The following THBS4 variants were observed in gnomAD, a reference collection of about 807,000 sequenced individuals.
THBS4 encodes thrombospondin 4, also known as thrombospondin-4.
THBS4 carries 90 observed loss-of-function variants against 115.7 expected under a neutral mutation model. The observed-to-expected ratio is 0.78, with a 90% CI of 0.66 to 0.93. THBS4 has a LOEUF of 0.93. Ranked by LOEUF, THBS4 falls within the 40% of genes least tolerant of loss-of-function variation. The pLI, the probability that THBS4 is intolerant of heterozygous loss-of-function variation, is 0.00. For synonymous variants in THBS4, 460 were observed against 479.3 expected, an observed-to-expected ratio of 0.96 and a Z score of 0.53; for missense variants, 1,087 against 1,232.7, an observed-to-expected ratio of 0.88 and a Z score of 1.77.
At chr5:80,025,723 C>A (rs2434274) in intron 2 of THBS4, among the ~76,000 whole-genome samples, 6 of 151,896 alleles carry the variant, frequency 4.0e-5, no homozygotes, top group Non-Finnish European at 5.9e-5. Context: ...CTTGAGGGAC[C>A]CTTTGTCGCC....
chr5:80,055,531 ATATTGTCTG>A (rs1257400106), intron 2 of THBS4, among the ~76,000 whole-genome samples: 2 of 152,118 alleles, frequency 1.3e-5, no homozygotes, highest in African/African-American at 4.8e-5. Flanking sequence ...AATTTGCCAC[ATATTGTCTG>A]TTTCTCCATC....
chr5:79,994,346 C>G (rs576686915), intron 1 of THBS4, among the ~76,000 whole-genome samples: 1 of 152,312 alleles, frequency 6.6e-6, no homozygotes, highest in African/African-American at 2.4e-5. Flanking sequence ...CTCTTAACCA[C>G]TGTGTCATAC....
chr5:80,051,782 A>G (rs540229223), intron 2 of THBS4, among the ~76,000 whole-genome samples: 1 of 152,356 alleles, frequency 6.6e-6, no homozygotes, highest in Non-Finnish European at 1.5e-5. Context: ...GCTATATGTA[A>G]AGTATCCCAC....
At chr5:80,062,926 G>T (rs918262286) in intron 8 of THBS4, among the ~76,000 whole-genome samples, 4 of 152,154 alleles carry the variant, frequency 2.6e-5, no homozygotes, top group Non-Finnish European at 5.9e-5. Flanking sequence ...TCTTAATCCA[G>T]TCTATCATTG....
At chr5:80,040,715 C>T (rs1326581915) in intron 2 of THBS4, among the ~76,000 whole-genome samples, 1 of 152,166 alleles carries the variant, frequency 6.6e-6, no homozygotes, top group Non-Finnish European at 1.5e-5. Context: ...CATCTCAGTC[C>T]ATTTTGTGTT....
At chr5:80,070,269 C>T (rs1833985812) in intron 10 of THBS4, 37 bp from the exon 11 acceptor site, 1 of 1,520,108 alleles carries the variant, frequency 6.6e-7, no homozygotes, top group Non-Finnish European at 8.8e-7. Context: ...CTGCCAGGCT[C>T]AGCTTCCCAG....
chr5:79,999,823 C>G (rs1037149181), intron 2 of THBS4, among the ~76,000 whole-genome samples: 1 of 152,178 alleles, frequency 6.6e-6, no homozygotes, highest in African/African-American at 2.4e-5. Context: ...GGAAATTCCT[C>G]TTGAAATGTC....
Position 80,059,785 on chromosome 5 carries a change from G to T in THBS4, c.867G>T (p.Arg289=). Residue 289 remains arginine (R), a synonymous_variant, in exon 7 of 22, where the codon CGG becomes CGT. Coordinates refer to ENST00000350881, the MANE Select transcript of THBS4 (RefSeq NM_003248.6). ...CACCGCCAACACGCCCACCTCGTCG[G>T]TGTGACTCCAACCCATGTTTCCGAG... ...PPAPPTRPPR[R]CDSNPCFRGV... 6.2e-7 allele frequency: 1 copy of T among 1,614,174 alleles called. No individual in the cohort carries two copies. The highest frequency in any genetic ancestry group is 8.5e-7 in the Non-Finnish European group (1 of 1,180,026).
At chr5:80,009,392 C>A (rs914486087) in intron 2 of THBS4, among the ~76,000 whole-genome samples, 25 of 152,302 alleles carry the variant, frequency 1.6e-4, no homozygotes, top group African/African-American at 5.5e-4. Context: ...GTTGTTCCTT[C>A]TATTTTACCC....
rs200042095 is a variant in THBS4 at position 80,080,030 on chromosome 5, G to A, written c.2637G>A (p.Val879=). The A allele has an allele frequency of 1.9e-6, 3 of 1,614,154 alleles. No homozygotes were observed. Among genetic ancestry groups the A allele is most frequent in the East Asian group, 4.5e-5 (2 of 44,872 alleles). The change falls in exon 20 of 22, where the codon GTG becomes GTA. Residue 879 remains valine (V), a synonymous_variant. Transcript: ENST00000350881. ...DSRNVGWKDK[V]SYRWFLQHRP... ...GGAATGTGGGCTGGAAGGACAAGGT[G>A]TCCTACCGCTGGTTCCTACAGCACA... is the stretch of plus-strand genomic sequence containing the variant.
chr5:80,053,134 A>G (rs1393343710), intron 2 of THBS4: 1 of 152,194 alleles, frequency 6.6e-6, no homozygotes, highest in Non-Finnish European at 1.5e-5. Context: ...TCTTCTAGGT[A>G]TGTATGTATA....
Position 80,072,341 on chromosome 5 carries a change from G to T in THBS4, c.1784G>T (p.Gly595Val). 1 of 1,614,192 alleles carries T rather than the reference G, an allele frequency of 6.2e-7. No homozygotes were observed. Among genetic ancestry groups the T allele is most frequent in the Non-Finnish European group, 8.5e-7 (1 of 1,180,026 alleles). The change falls in exon 14 of 22, where the codon GGT (glycine) becomes GTT (valine). Residue 595 changes from glycine to valine, a missense_variant. Around this residue, in one of 3 missense-constraint regions of THBS4, gnomAD observed 979 missense variants for 1,103.7 expected, o/e 0.89. Coordinates refer to ENST00000350881, the MANE Select transcript of THBS4 (RefSeq NM_003248.6). Reference sequence around the variant, plus strand: ...AATCGTGACCAACGGGACAAGGATGGTGATGGTGTGGGGGATGCCTGTGAC... The same window carrying T: ...AATCGTGACCAACGGGACAAGGATGTTGATGGTGTGGGGGATGCCTGTGAC... ...FPNRDQRDKDGDGVGDACDSC... is the reference protein window; with the variant it reads ...FPNRDQRDKDVDGVGDACDSC...
In THBS4 at chr5:80,083,074, T is replaced by C; in HGVS notation, c.2825-6T>C. On this transcript the variant is annotated splice_region_variant and splice_polypyrimidine_tract_variant and intron_variant, in intron 21 of 21. Transcript: ENST00000350881. ...GCTAACCTCCCTGTGCCCATTCCTA[T>C]TGCAGACACCATCCCTGAGGACTTC... 1 of 1,613,722 alleles carries C rather than the reference T, an allele frequency of 6.2e-7. No homozygotes were observed. The highest frequency in any genetic ancestry group is 8.5e-7 in the Non-Finnish European group (1 of 1,179,582).
chr5:80,079,068 C>T lies in THBS4; in HGVS notation c.2321C>T (p.Thr774Ile), dbSNP rs1743360786. Reference protein sequence around the residue: ...NSDPGLAVGYTAFNGVDFEGT... With the variant: ...NSDPGLAVGYIAFNGVDFEGT... ...TCTTATCTGGTCCCTACAGGGTACA[C>T]AGCTTTTAATGGAGTTGACTTCGAA... Residue 774 changes from threonine (T) to isoleucine (I), a missense_variant, in exon 19 of 22, where the codon ACA becomes ATA. Physicochemically the swap from Thr to Ile is moderately conservative, Grantham distance 89 (BLOSUM62 -1). Transcript: ENST00000350881. 1 of 1,613,298 alleles carries T rather than the reference C, an allele frequency of 6.2e-7. No homozygotes were observed. The highest frequency in any genetic ancestry group is 1.3e-5 in the African/African-American group (1 of 74,912).
At position 80,078,142 on chromosome 5, in the gene THBS4, T is replaced by C; in HGVS notation, c.2180T>C (p.Leu727Pro). 6.2e-7 allele frequency: 1 copy of C among 1,612,690 alleles called. No individual in the cohort carries two copies. Among genetic ancestry groups the C allele is most frequent in the African/African-American group, 1.3e-5 (1 of 75,036 alleles). ...TGCCCAGAGAACGCAGAGGTCACCC[T>C]GACCGACTTCAGGGCTTACCAGACC... Reference protein sequence around the residue: ...DVCPENAEVTLTDFRAYQTVV... With the variant: ...DVCPENAEVTPTDFRAYQTVV... The change falls in exon 17 of 22, where the codon CTG (leucine) becomes CCG (proline). Residue 727 changes from leucine (L) to proline (P), a missense_variant. Physicochemically the swap from Leu to Pro is moderately conservative, Grantham distance 98. Coordinates refer to ENST00000350881, the MANE Select transcript of THBS4 (RefSeq NM_003248.6).
rs149821475 is a variant in THBS4 at position 80,061,722 on chromosome 5, G to A, written c.1015G>A (p.Val339Met). 49 of 1,613,898 alleles carry A rather than the reference G, an allele frequency of 3.0e-5. No homozygotes were observed. The highest frequency in any genetic ancestry group is 5.0e-5 in the Admixed American group (3 of 59,988). ...CAAATACCATCCCTGCTACCCGGGC[G>A]TGCACTGCATAAATTTGTCTCCTGG... ...ECKYHPCYPG[V>M]HCINLSPGFR... The change falls in exon 8 of 22, where the codon GTG becomes ATG. Residue 339 changes from valine (V) to methionine (M), a missense_variant. By Grantham distance (21) the Val-to-Met change is conservative. Transcript: ENST00000350881.
At chr5:80,044,184 C>G (rs1202647366) in intron 2 of THBS4, among the ~76,000 whole-genome samples, 2 of 152,196 alleles carry the variant, frequency 1.3e-5, no homozygotes, top group Non-Finnish European at 2.9e-5. Context: ...ACTTGAATTA[C>G]TTCTAGGTCT....
In THBS4 at chr5:80,040,070, T is replaced by C. The variant is rs1241757391; in HGVS notation, c.89-7T>C. On this transcript the variant is annotated splice_polypyrimidine_tract_variant and splice_region_variant and intron_variant, in intron 1 of 21. Transcript: ENST00000350881. ...CACTTATACCCCTTCTTCTCCCTTC[T>C]TCCCAGTCTTTGACCTTCTCCCATC... 12 of 1,613,980 alleles carry C rather than the reference T, an allele frequency of 7.4e-6. No individual in the cohort carries two copies. Among genetic ancestry groups the C allele is most frequent in the Non-Finnish European group, 9.3e-6 (11 of 1,179,890 alleles).
Position 80,035,387 on chromosome 5 carries a change from C to G in THBS4, c.-151C>G, listed in dbSNP as rs1212540225. The G allele has an allele frequency of 3.3e-6, 1 of 302,986 alleles. No individual in the cohort carries two copies. 18.8% of individuals were successfully genotyped at this position (302,986 alleles called of 1,614,324 possible). On this transcript the variant is annotated 5_prime_UTR_variant, in exon 1 of 22. Coordinates refer to ENST00000350881, the MANE Select transcript of THBS4 (RefSeq NM_003248.6). This position sits in a 1 kb window ranked among gnomAD's most constrained non-coding sequence, Gnocchi z 4.6. ...CAGCACCGCACGGCGGGGACGCGAG[C>G]GCGCCCCCGACGGCAGCCCGGACGC... is the stretch of plus-strand genomic sequence containing the variant.
Sources: gnomAD v4.1 joint callset for allele counts (sites outside exome capture counted in the v4.1 genomes callset) on GRCh38, gnomAD v4.1.1 for gene constraint, gnomAD v4.1.1 regional missense constraint, Gnocchi (gnomAD v3.1) non-coding constraint, MANE v1.5 for transcripts, NCBI Gene and HGNC (gene_info 2026-07-23, HGNC 2026-07-21) for gene names.